Variants in TNIK observed in about 807,000 individuals in gnomAD.
TNIK encodes TRAF2 and NCK interacting kinase, also known as TRAF2 and NCK-interacting protein kinase.
In TNIK, 49 loss-of-function variants were observed where a neutral mutation model predicts 191.3. The observed-to-expected ratio is 0.26, with a 90% CI of 0.20 to 0.32. The LOEUF is 0.32. Among genes scored for constraint, TNIK ranks in the 10% least tolerant of loss-of-function variants. The pLI is 1.00. For missense variants in TNIK, 1,155 were observed against 1,702.3 expected, an observed-to-expected ratio of 0.68 and a Z score of 5.66; for synonymous variants, 594 against 600.9, an observed-to-expected ratio of 0.99 and a Z score of 0.17.
chr3:171,403,618 A>C (rs1721262814), intron 1 of TNIK, among the ~76,000 whole-genome samples: 1 of 116,618 alleles, frequency 8.6e-6, no homozygotes, highest in Non-Finnish European at 2.1e-5. Flanking sequence ...TATCAAAAAA[A>C]AAAAAAAAAA....
chr3:171,097,075 A>C (rs1722828045), intron 22 of TNIK, among the ~76,000 whole-genome samples: 1 of 152,234 alleles, frequency 6.6e-6, no homozygotes, highest in Non-Finnish European at 1.5e-5. Context: ...ATCTATTCAG[A>C]TATATCATAG....
At position 171,082,279 on chromosome 3, in the gene TNIK, C is replaced by T. The variant is rs1720792130; in HGVS notation, c.3285G>A (p.Glu1095=). The change falls in exon 27 of 33, where the codon GAG becomes GAA. Residue 1095 remains glutamate (E), a synonymous_variant. Coordinates refer to ENST00000436636, the MANE Select transcript of TNIK (RefSeq NM_015028.4). The part of the protein sequence containing the change: ...RRRFQQMDVL[E]GLNVLVTISG... ...AAATTGTCACAAGGACATTCAGTCC[C>T]TCTAGCACATCCATCTGCTGAAATC... 6.2e-7 allele frequency: 1 copy of T among 1,613,620 alleles called. No individual in the cohort carries two copies.
chr3:171,393,695 A>G (rs1157063847), intron 1 of TNIK, among the ~76,000 whole-genome samples: 1 of 152,242 alleles, frequency 6.6e-6, no homozygotes, highest in African/African-American at 2.4e-5. Flanking sequence ...CAACAGAAGG[A>G]CAAGCCTTCA....
chr3:171,082,387 GT>G lies in TNIK; in HGVS notation c.3176del (p.Asn1059ThrfsTer10). On this transcript the variant is annotated frameshift_variant, in exon 27 of 33. Transcript: ENST00000436636. LOFTEE classifies it high-confidence loss of function. Reference protein sequence around the residue: ...EILCAALWGVNLLVGTENGLM... With the variant: ...EILCAALWGVXLLVGTENGLM... ...GGCCATTTTCAGTCCCCACCAGAAG[GT>G]TTACACCTGTAAATTTAAGAAGCAC... 6.2e-7 allele frequency: 1 copy of G among 1,613,670 alleles called. No homozygotes were observed. The highest frequency in any genetic ancestry group is 8.5e-7 in the Non-Finnish European group (1 of 1,179,744).
chr3:171,232,234 C>T (rs1211159796), intron 2 of TNIK, among the ~76,000 whole-genome samples: 1 of 151,730 alleles, frequency 6.6e-6, no homozygotes, highest in African/African-American at 2.4e-5. Context: ...TCTGTACACC[C>T]AGCTACTTGG....
chr3:171,376,181 A>G (rs2108507402), intron 1 of TNIK, among the ~76,000 whole-genome samples: 1 of 152,380 alleles, frequency 6.6e-6, no homozygotes, highest in South Asian at 2.1e-4. Context: ...AAACAGGAAC[A>G]GTAGGAGAAC....
intron 2 of TNIK, among the ~76,000 whole-genome samples, chr3:171,259,621 G>A (rs1175879064): frequency 6.6e-6 from 1 of 152,164 alleles, no homozygotes; most frequent in African/African-American, 2.4e-5. Flanking sequence ...AGAGGGAGGA[G>A]AAAACAAATT....
chr3:171,154,844 C>G (rs1163505943), intron 12 of TNIK, among the ~76,000 whole-genome samples: 1 of 152,208 alleles, frequency 6.6e-6, no homozygotes, highest in Non-Finnish European at 1.5e-5. Context: ...AAAGCTGAGT[C>G]TTCTCTCCAC....
chr3:171,365,783 T>C (rs1327147420), intron 2 of TNIK, among the ~76,000 whole-genome samples: 2 of 152,106 alleles, frequency 1.3e-5, no homozygotes, highest in Non-Finnish European at 2.9e-5. Context: ...TTAAGCACAA[T>C]AGCCACCACG....
At chr3:171,104,802 G>A (rs1189103056) in intron 21 of TNIK, among the ~76,000 whole-genome samples, 1 of 152,032 alleles carries the variant, frequency 6.6e-6, no homozygotes, top group Non-Finnish European at 1.5e-5. Context: ...CTCATCTGAG[G>A]GAAAAGGGGG....
chr3:171,262,714 A>C (rs889261284), intron 2 of TNIK, among the ~76,000 whole-genome samples: 1 of 152,262 alleles, frequency 6.6e-6, no homozygotes, highest in African/African-American at 2.4e-5. Flanking sequence ...GTTGCCTACC[A>C]GAAAAAATTC....
chr3:171,135,462 C>T (rs913865195), intron 15 of TNIK, among the ~76,000 whole-genome samples: 3 of 152,192 alleles, frequency 2.0e-5, no homozygotes, highest in African/African-American at 7.2e-5. Context: ...CTGTCACTCT[C>T]CTTCTATCAA....
intron 23 of TNIK, among the ~76,000 whole-genome samples, chr3:171,087,726 A>G (rs1001369965): frequency 1.3e-5 from 2 of 152,242 alleles, no homozygotes; most frequent in Non-Finnish European, 1.5e-5. Flanking sequence ...ACGTTCCTGC[A>G]TGAGGTACAG....
At chr3:171,084,122 TTA>T in intron 26 of TNIK, 31 bp downstream of exon 26, 6 of 1,446,926 alleles carry the variant, frequency 4.1e-6, no homozygotes, top group South Asian at 2.7e-5. Context: ...GAGTGGTTAT[TTA>T]AAAAAAAAAA....
At chr3:171,347,233 A>AG in intron 2 of TNIK, 3 of 1,525,854 alleles carry the variant, frequency 2.0e-6, no homozygotes, top group Non-Finnish European at 2.6e-6. Context: ...AAAAAAAAAA[A>AG]AAAGAAAAGA....
intron 22 of TNIK, among the ~76,000 whole-genome samples, chr3:171,094,706 G>T (rs1372257491): frequency 6.6e-6 from 1 of 152,048 alleles, no homozygotes; most frequent in Non-Finnish European, 1.5e-5. Context: ...GCCTTGGTTG[G>T]TTCCCTCTCA....
intron 1 of TNIK, among the ~76,000 whole-genome samples, chr3:171,420,775 C>A (rs1723699426): frequency 6.6e-6 from 1 of 152,120 alleles, no homozygotes; most frequent in Non-Finnish European, 1.5e-5. Flanking sequence ...GCAAGCACTG[C>A]AAGACTGCAA....
intron 1 of TNIK, among the ~76,000 whole-genome samples, chr3:171,379,236 A>G (rs957603274): frequency 1.3e-5 from 2 of 152,226 alleles, no homozygotes; most frequent in Non-Finnish European, 2.9e-5. Context: ...AGCTCAGTTC[A>G]AAATTATTTC....
Position 171,370,485 on chromosome 3 carries a change from A to C in TNIK, c.58-800T>G, listed in dbSNP as rs563140653. 9.8e-5 allele frequency among the ~76,000 whole-genome samples: 15 copies of C among 152,342 alleles called. No individual in the cohort carries two copies. The South Asian group carries it at 1.5e-3, about 15-fold the overall frequency. The stretch of plus-strand genomic sequence containing the variant: ...TTGAAAAGAAAAATCAAAGCCAATA[A>C]AATTCTATTCAGAGGCAGAAATTGA... On this transcript the variant is annotated intron_variant, in intron 1 of 32. Coordinates refer to ENST00000436636, the MANE Select transcript of TNIK (RefSeq NM_015028.4).
Sources: gnomAD v4.1 joint callset for allele counts (sites outside exome capture counted in the v4.1 genomes callset) on GRCh38, gnomAD v4.1.1 for gene constraint, MANE v1.5 for transcripts, NCBI Gene and HGNC (gene_info 2026-07-23, HGNC 2026-07-21) for gene names.